Variants in FHIT observed in about 807,000 individuals in gnomAD.
FHIT encodes the protein bis(5'-adenosyl)-triphosphatase.
Under a neutral mutation model 17.9 loss-of-function variants are expected in FHIT, and 19 were observed. The observed-to-expected ratio is 1.06, with a 90% CI of 0.74 to 1.56. The LOEUF (loss-of-function observed/expected upper bound fraction) is 1.56. Ranked by LOEUF, FHIT falls within the 40% of genes most tolerant of loss-of-function variation. The probability of loss-of-function intolerance (pLI) is 0.00; values close to 1 mark genes in which losing one functional copy is unlikely to be tolerated. For missense variants in FHIT, 248 were observed against 189.2 expected (o/e 1.31, Z -1.82); for synonymous variants, 81 against 69.7 (o/e 1.16, Z -0.81).
At chr3:61,050,386 C>G (rs535292390) in intron 2 of FHIT, among the ~76,000 whole-genome samples, 15 of 151,980 alleles carry the variant, frequency 9.9e-5, no homozygotes, top group Non-Finnish European at 1.9e-4. Flanking sequence ...CATAACAATT[C>G]AATGCAATGT....
intron 5 of FHIT, among the ~76,000 whole-genome samples, chr3:60,367,106 G>T (rs531895458): frequency 1.3e-5 from 2 of 152,218 alleles, no homozygotes; most frequent in African/African-American, 2.4e-5. Context: ...TATAAAATGA[G>T]CTCAACCTTC....
chr3:60,905,435 A>G (rs568737948), intron 3 of FHIT, among the ~76,000 whole-genome samples: 2 of 152,182 alleles, frequency 1.3e-5, no homozygotes, highest in Admixed American at 6.5e-5. Context: ...ATCTTTCTAC[A>G]TACCTATCTA....
chr3:60,285,339 T>C (rs189100085), intron 5 of FHIT, among the ~76,000 whole-genome samples: 2 of 152,234 alleles, frequency 1.3e-5, no homozygotes, highest in East Asian at 3.9e-4. Flanking sequence ...ATGCCAAAAA[T>C]AGGTTTATGC....
At chr3:60,633,631 GTGTC>G (rs527351339) in intron 4 of FHIT, among the ~76,000 whole-genome samples, 94 of 152,310 alleles carry the variant, frequency 6.2e-4, no homozygotes, top group African/African-American at 2.0e-3. Flanking sequence ...CGCGATGACT[GTGTC>G]TGTCATCACT....
chr3:60,906,817 C>CT (rs1166467926), intron 3 of FHIT, among the ~76,000 whole-genome samples: 2 of 151,930 alleles, frequency 1.3e-5, no homozygotes, highest in African/African-American at 2.4e-5. Context: ...AATGTAGTGT[C>CT]TTTTTTTAAG....
At chr3:60,751,857 G>C (rs1224534039) in intron 4 of FHIT, among the ~76,000 whole-genome samples, 1 of 152,042 alleles carries the variant, frequency 6.6e-6, no homozygotes, top group African/African-American at 2.4e-5. Context: ...AAAAAAACCA[G>C]AAACAATCTA....
At chr3:60,325,836 T>C (rs1034436966) in intron 5 of FHIT, among the ~76,000 whole-genome samples, 1 of 152,252 alleles carries the variant, frequency 6.6e-6, no homozygotes, top group Non-Finnish European at 1.5e-5. Flanking sequence ...AGGATAATCA[T>C]GTTATGTTAT....
chr3:61,067,631 G>A (rs1266734738), intron 2 of FHIT, among the ~76,000 whole-genome samples: 1 of 152,132 alleles, frequency 6.6e-6, no homozygotes, highest in African/African-American at 2.4e-5. Flanking sequence ...AGGGCTTCAG[G>A]TGAACAGAAA....
chr3:60,629,893 G>C (rs182427865), intron 4 of FHIT, among the ~76,000 whole-genome samples: 91 of 152,270 alleles, frequency 6.0e-4, no homozygotes, highest in African/African-American at 2.0e-3. Context: ...ATTCACTCTA[G>C]TATTCTCAGA....
intron 4 of FHIT, among the ~76,000 whole-genome samples, chr3:60,747,326 AG>A (rs774158556): frequency 1.3e-5 from 2 of 152,056 alleles, no homozygotes; most frequent in Non-Finnish European, 2.9e-5. Flanking sequence ...ATCCCTTCTC[AG>A]GGCTCTCACT....
chr3:61,105,170 G>A (rs910378255), intron 2 of FHIT, among the ~76,000 whole-genome samples: 1 of 152,054 alleles, frequency 6.6e-6, no homozygotes, highest in East Asian at 1.9e-4. Context: ...CAGGATTCTT[G>A]TGCTGATTCT....
intron 5 of FHIT, among the ~76,000 whole-genome samples, chr3:60,016,152 G>A (rs964672259): frequency 6.6e-6 from 1 of 152,092 alleles, no homozygotes; most frequent in African/African-American, 2.4e-5. Flanking sequence ...AGATTTCTTA[G>A]CCAACATGTA....
At chr3:59,990,466 T>C in intron 7 of FHIT, among the ~76,000 whole-genome samples, 1 of 152,080 alleles carries the variant, frequency 6.6e-6, no homozygotes, top group East Asian at 1.9e-4. Flanking sequence ...AAGCAAGCAG[T>C]TGGCATTTCA....
At chr3:60,560,792 G>C (rs1028378962) in intron 4 of FHIT, among the ~76,000 whole-genome samples, 1 of 143,374 alleles carries the variant, frequency 7.0e-6, no homozygotes, top group African/African-American at 2.6e-5. Context: ...CATTTCTACT[G>C]ATGTAAGGAG....
At chr3:60,416,249 A>G (rs1248908449) in intron 5 of FHIT, among the ~76,000 whole-genome samples, 1 of 152,168 alleles carries the variant, frequency 6.6e-6, no homozygotes. Context: ...GGTGAAGAAG[A>G]GGAGAAATAG....
chr3:61,106,238 C>T (rs2035984350), intron 2 of FHIT, among the ~76,000 whole-genome samples: 1 of 152,150 alleles, frequency 6.6e-6, no homozygotes, highest in Non-Finnish European at 1.5e-5. Context: ...TATATGTATA[C>T]ATTGTGAAAT....
chr3:60,795,384 G>A (rs572204202), intron 4 of FHIT, among the ~76,000 whole-genome samples: 6 of 152,100 alleles, frequency 3.9e-5, no homozygotes, highest in African/African-American at 1.4e-4. Context: ...ATATGTTTGG[G>A]TAACTTATTT....
rs900500765 is a variant in FHIT at position 60,455,430 on chromosome 3, A to G, written c.103+81430T>C. On this transcript the variant is annotated intron_variant, in intron 5 of 9. Transcript: ENST00000492590. ...TTCATCATAAAACAAGATGAAAGCAACTTGCCTACATGCACGTCTTCAAAA... is the reference window on the plus strand; with the variant it reads ...TTCATCATAAAACAAGATGAAAGCAGCTTGCCTACATGCACGTCTTCAAAA... Among the ~76,000 whole-genome samples the G allele has an allele frequency of 2.6e-5, 4 of 152,306 alleles. No homozygotes were observed. The East Asian group carries it at 5.8e-4, about 22-fold the overall frequency.
intron 8 of FHIT, among the ~76,000 whole-genome samples, chr3:59,757,775 A>G (rs1701293437): frequency 1.3e-5 from 2 of 152,268 alleles, no homozygotes; most frequent in East Asian, 3.9e-4. Context: ...TAAATAAACC[A>G]TTTCTTATGG....
Sources: gnomAD v4.1 joint callset for allele counts (sites outside exome capture counted in the v4.1 genomes callset) on GRCh38, gnomAD v4.1.1 for gene constraint, MANE v1.5 for transcripts, NCBI Gene and HGNC (gene_info 2026-07-23, HGNC 2026-07-21) for gene names.